The following ZC3H8 variants were observed in gnomAD, a reference collection of about 807,000 sequenced individuals.
ZC3H8 encodes zinc finger CCCH-type containing 8.
ZC3H8 carries 27 observed loss-of-function variants against 42.5 expected under a neutral mutation model. That is an observed-to-expected ratio of 0.64 (90% CI 0.47 to 0.88). The LOEUF (loss-of-function observed/expected upper bound fraction) is 0.88. ZC3H8 is among the 40% of genes least tolerant of loss of function. ZC3H8 has a pLI of 0.00. For missense variants in ZC3H8, 277 were observed against 336.1 expected, an observed-to-expected ratio of 0.82 and a Z score of 1.37; for synonymous variants, 101 against 110.1, an observed-to-expected ratio of 0.92 and a Z score of 0.52.
intron 2 of ZC3H8, 84 bp downstream of exon 2, chr2:112,250,107 T>C: frequency 9.8e-7 from 1 of 1,017,692 alleles, no homozygotes; most frequent in Non-Finnish European, 1.4e-6. Flanking sequence ...TTTCCATCTG[T>C]TTTTTCTTTT....
Position 112,238,461 on chromosome 2 carries a change from ACAT to A in ZC3H8, c.221_223del (p.Asp74del), listed in dbSNP as rs2104660467. On this transcript the variant is annotated inframe_deletion, in exon 3 of 9. Coordinates refer to ENST00000409573, the MANE Select transcript of ZC3H8 (RefSeq NM_032494.3). ...ACTGCAGATATCATTATCACTATAT[ACAT>A]CATAGTCCTTACTTCTTGATTTTCT... is the stretch of plus-strand genomic sequence containing the variant. 2.5e-6 allele frequency: 4 copies of A among 1,613,326 alleles called. No homozygotes were observed. The highest frequency in any genetic ancestry group is 3.4e-6 in the Non-Finnish European group (4 of 1,179,866).
At chr2:112,221,712 A>G (rs181496366) in intron 8 of ZC3H8, among the ~76,000 whole-genome samples, 211 of 152,204 alleles carry the variant, frequency 1.4e-3, no homozygotes, top group African/African-American at 4.8e-3. Context: ...CAGCTTTATC[A>G]GGTCAGTCTG....
intron 2 of ZC3H8, among the ~76,000 whole-genome samples, chr2:112,241,021 G>A (rs1349144849): frequency 6.6e-6 from 1 of 151,416 alleles, no homozygotes; most frequent in East Asian, 1.9e-4. Context: ...GTGTGTGTGT[G>A]TGTGTGTGTA....
intron 2 of ZC3H8, among the ~76,000 whole-genome samples, chr2:112,247,814 A>G (rs1477668505): frequency 6.6e-6 from 1 of 152,194 alleles, no homozygotes; most frequent in Non-Finnish European, 1.5e-5. Context: ...TGGAGGAGCT[A>G]AAAGTGGGCA....
chr2:112,211,953 T>A lies in ZC3H8; in HGVS notation c.*4531A>T, dbSNP rs970419833. On this transcript the variant is annotated 3_prime_UTR_variant, in exon 9 of 9. Coordinates refer to ENST00000409573, the MANE Select transcript of ZC3H8 (RefSeq NM_032494.3). ...ATATCTACTCTTCCTAGTTTTCTGCTCCTTATTATGAAAATAGCCCTCCCC... is the reference window on the plus strand; with the variant it reads ...ATATCTACTCTTCCTAGTTTTCTGCACCTTATTATGAAAATAGCCCTCCCC... 2.6e-5 allele frequency: 4 copies of A among 152,204 alleles called. No homozygotes were observed. Among genetic ancestry groups the A allele is most frequent in the Non-Finnish European group, 5.9e-5 (4 of 68,044 alleles). The allele number at this position is 152,204 out of a possible 1,614,324, so 9.4% of individuals were successfully genotyped here. A position where few individuals can be genotyped will look rare whatever the true frequency, so the allele number is the denominator to read the frequency against.
Position 112,212,292 on chromosome 2 carries a change from T to C in ZC3H8, c.*4192A>G, listed in dbSNP as rs375248491. On this transcript the variant is annotated 3_prime_UTR_variant, in exon 9 of 9. Transcript: ENST00000409573. ...CCCAAAGGCCCTACCTCCTAACAGT[T>C]AGTCCTAGGAGTCAGGATTTCAACA... is the stretch of plus-strand genomic sequence containing the variant. 6.6e-6 allele frequency: 1 copy of C among 152,208 alleles called. No homozygotes were observed. The highest frequency in any genetic ancestry group is 1.9e-4 in the East Asian group (1 of 5,196). The allele number at this position is 152,208 out of a possible 1,614,324, so 9.4% of individuals were successfully genotyped here. A position where few individuals can be genotyped will look rare whatever the true frequency, so the allele number is the denominator to read the frequency against.
In ZC3H8 at chr2:112,214,793, C is replaced by A. The variant is rs1394513622; in HGVS notation, c.*1691G>T. On this transcript the variant is annotated 3_prime_UTR_variant, in exon 9 of 9. Coordinates refer to ENST00000409573, the MANE Select transcript of ZC3H8 (RefSeq NM_032494.3). ...GCTGCCATAACCCAGGTAGGAGAGA[C>A]CCACAGGCTAGCAGCTGCTTTGAGA... 6.6e-6 allele frequency: 1 copy of A among 152,238 alleles called. No homozygotes were observed. The highest frequency in any genetic ancestry group is 2.1e-4 in the South Asian group (1 of 4,822). 9.4% of individuals were successfully genotyped at this position (152,238 alleles called of 1,614,324 possible).
At position 112,213,572 on chromosome 2, in the gene ZC3H8, C is replaced by T. The variant is rs181812583; in HGVS notation, c.*2912G>A. ...TGGGTGGATCACGAGGTCAGGAGAT[C>T]GAGACCATCTTGGCTAATACAGTGA... On this transcript the variant is annotated 3_prime_UTR_variant, in exon 9 of 9. Coordinates refer to ENST00000409573, the MANE Select transcript of ZC3H8 (RefSeq NM_032494.3). 324 of 151,434 alleles carry T rather than the reference C, an allele frequency of 2.1e-3. 1 individual carries two copies. The highest frequency in any genetic ancestry group is 3.6e-3 in the Non-Finnish European group (245 of 67,894). The allele number at this position is 151,434 out of a possible 1,614,324, so 9.4% of individuals were successfully genotyped here. A position where few individuals can be genotyped will look rare whatever the true frequency, so the allele number is the denominator to read the frequency against.
chr2:112,225,587 C>T (rs1039439521), intron 8 of ZC3H8, among the ~76,000 whole-genome samples: 4 of 152,298 alleles, frequency 2.6e-5, no homozygotes, highest in Non-Finnish European at 2.9e-5. Flanking sequence ...GAGGCTGAGG[C>T]GGGCAGATCA....
intron 8 of ZC3H8, 67 bp downstream of exon 8, chr2:112,230,836 G>A (rs1685055336): frequency 5.8e-6 from 6 of 1,038,910 alleles, no homozygotes; most frequent in Middle Eastern, 2.3e-4. Flanking sequence ...ACCCTATTGA[G>A]GTTGCATGCC....
At chr2:112,227,811 A>G (rs1383866851) in intron 8 of ZC3H8, among the ~76,000 whole-genome samples, 1 of 151,346 alleles carries the variant, frequency 6.6e-6, no homozygotes, top group African/African-American at 2.4e-5. Flanking sequence ...ACTGAGAGAA[A>G]CTGAAGATCT....
chr2:112,240,992 T>TGTGTGCGC (rs1388150739), intron 2 of ZC3H8, among the ~76,000 whole-genome samples: 1 of 143,736 alleles, frequency 7.0e-6, no homozygotes, highest in African/African-American at 2.6e-5. Context: ...TGTGCGCGTG[T>TGTGTGCGC]GTATGTGTGT....
chr2:112,240,065 C>A (rs1420889434), intron 2 of ZC3H8, among the ~76,000 whole-genome samples: 2 of 152,194 alleles, frequency 1.3e-5, no homozygotes, highest in Admixed American at 6.5e-5. Context: ...GACTATCAAC[C>A]AATTATCTTC....
In ZC3H8 at chr2:112,224,226, C is replaced by T. The variant is rs571064077; in HGVS notation, c.*15+6677G>A. Among the ~76,000 whole-genome samples the T allele has an allele frequency of 1.2e-3, 183 of 152,150 alleles. 3 individuals carry two copies. The South Asian group carries it at 0.037, about 31-fold the overall frequency. On this transcript the variant is annotated intron_variant, in intron 8 of 8. Transcript: ENST00000409573. ...TTAAAAATTTAGTTTATATCAGGAACGTAAGGGTGGTTTAGTATTTTTAAA... is the reference window on the plus strand; with the variant it reads ...TTAAAAATTTAGTTTATATCAGGAATGTAAGGGTGGTTTAGTATTTTTAAA...
At chr2:112,245,340 C>T (rs778268538) in intron 2 of ZC3H8, among the ~76,000 whole-genome samples, 4 of 152,288 alleles carry the variant, frequency 2.6e-5, no homozygotes, top group Admixed American at 2.6e-4. Flanking sequence ...TATGGATAGA[C>T]GATGTCTCCA....
At chr2:112,227,722 C>T (rs756818815) in intron 8 of ZC3H8, among the ~76,000 whole-genome samples, 1 of 152,100 alleles carries the variant, frequency 6.6e-6, no homozygotes, top group Non-Finnish European at 1.5e-5. Flanking sequence ...CAATTCCATT[C>T]AATAGCATCA....
chr2:112,213,952 T>TC lies in ZC3H8; in HGVS notation c.*2531_*2532insG, dbSNP rs1056713011. On this transcript the variant is annotated 3_prime_UTR_variant, in exon 9 of 9. Coordinates refer to ENST00000409573, the MANE Select transcript of ZC3H8 (RefSeq NM_032494.3). ...AATGAAGACCCACTTAAGAATTTTT[T>TC]TTTTTTTTTTTTTGAGACGGAGTCT... is the stretch of plus-strand genomic sequence containing the variant. 6.9e-6 allele frequency: 1 copy of TC among 145,742 alleles called. No individual in the cohort carries two copies. The highest frequency in any genetic ancestry group is 2.5e-5 in the African/African-American group (1 of 39,656). 9.0% of individuals were successfully genotyped at this position (145,742 alleles called of 1,614,324 possible). A position where few individuals can be genotyped will look rare whatever the true frequency, so the allele number is the denominator to read the frequency against.
At chr2:112,254,736 C>G (rs2104674627) in intron 1 of ZC3H8, among the ~76,000 whole-genome samples, 172 bp downstream of exon 1, 1 of 152,344 alleles carries the variant, frequency 6.6e-6, no homozygotes, top group South Asian at 2.1e-4. Flanking sequence ...CCACCCGGAC[C>G]CCGCACGACC....
At chr2:112,229,764 C>A (rs1186792757) in intron 8 of ZC3H8, among the ~76,000 whole-genome samples, 5 of 152,070 alleles carry the variant, frequency 3.3e-5, no homozygotes, top group African/African-American at 1.2e-4. Flanking sequence ...ACTGTTAATA[C>A]AATTCCCAAT....
Sources: allele counts gnomAD v4.1 joint callset (sites outside exome capture counted in the v4.1 genomes callset), GRCh38; gene constraint gnomAD v4.1.1; transcripts MANE v1.5; gene names NCBI Gene and HGNC (gene_info 2026-07-23, HGNC 2026-07-21).